CAPN15: variants seen among roughly 807,000 people sequenced by gnomAD.
The protein encoded by CAPN15 is calpain 15.
Under a neutral mutation model 97.9 loss-of-function variants are expected in CAPN15, and 53 were observed. That is an observed-to-expected ratio of 0.54 (90% CI 0.43 to 0.68). The LOEUF (loss-of-function observed/expected upper bound fraction) is 0.68, where lower values mean the gene tolerates loss of function less well. Ranked by LOEUF, CAPN15 falls within the 30% of genes least tolerant of loss-of-function variation. The pLI is 0.00. For synonymous variants in CAPN15, 922 were observed against 722.5 expected, an observed-to-expected ratio of 1.28 and a Z score of -4.43; for missense variants, 1,592 against 1,589.8, an observed-to-expected ratio of 1.00 and a Z score of -0.02.
intron 3 of CAPN15, among the ~76,000 whole-genome samples, chr16:545,902 G>T (rs922859830): frequency 6.6e-6 from 1 of 152,262 alleles, no homozygotes; most frequent in Non-Finnish European, 1.5e-5. Context: ...TGCAGGTGCG[G>T]CCGGGAGCCC....
intron 3 of CAPN15, chr16:538,152 TG>T (rs1182158109): frequency 6.6e-6 from 1 of 152,250 alleles, no homozygotes; most frequent in Non-Finnish European, 1.5e-5. Flanking sequence ...CTCTCCGGCG[TG>T]GCCGCCAGGT....
Position 552,495 on chromosome 16 carries a change from G to A in CAPN15, c.2702G>A (p.Trp901Ter). The A allele has an allele frequency of 6.2e-7, 1 of 1,606,876 alleles. No homozygotes were observed. Among genetic ancestry groups the A allele is most frequent in the Non-Finnish European group, 8.5e-7 (1 of 1,179,326 alleles). The change falls in exon 11 of 14, where the codon TGG becomes TAG. Residue 901 changes from tryptophan (W) to a stop codon, truncating the protein, a stop_gained. Coordinates refer to ENST00000219611, the MANE Select transcript of CAPN15 (RefSeq NM_005632.3). LOFTEE classifies it high-confidence loss of function. This position sits in a 1 kb window ranked among gnomAD's most constrained non-coding sequence, Gnocchi z 6.4. ...GTGGTGTGCTGCGCCTTCAACCACT[G>A]GGGGCCGCCCCTGCCGGGCACCCCT... ...YAVVCCAFNHWGPPLPGTPAP... is the reference protein window; with the variant it reads ...YAVVCCAFNH
rs2034837565 is a variant in CAPN15, at chr16:549,489, G to T, written c.1842+18G>T. 6.4e-7 allele frequency: 1 copy of T among 1,572,620 alleles called. No individual in the cohort carries two copies. The highest frequency in any genetic ancestry group is 2.3e-5 in the East Asian group (1 of 43,656). ...TCTCACAGGTGGGGCGGCCTGCAGG[G>T]TGGGCACGGGCGGCAGGGGCAGCCT... On this transcript the variant is annotated intron_variant, in intron 6 of 13. Coordinates refer to ENST00000219611, the MANE Select transcript of CAPN15 (RefSeq NM_005632.3).
chr16:549,630 C>T lies in CAPN15; in HGVS notation c.1858C>T (p.Leu620=), dbSNP rs2034850185. 1 of 1,549,688 alleles carries T rather than the reference C, an allele frequency of 6.5e-7. No homozygotes were observed. Among genetic ancestry groups the T allele is most frequent in the Non-Finnish European group, 8.7e-7 (1 of 1,152,754 alleles). Reference sequence around the variant, plus strand: ...CCCTCTGCAGGCGCAGCGGAAGCAGCTGTGGGTGGCCCTCATCGAGAAGGC... The same window carrying T: ...CCCTCTGCAGGCGCAGCGGAAGCAGTTGTGGGTGGCCCTCATCGAGAAGGC... ...LLFSQAQRKQ[L]WVALIEKALA... The change falls in exon 7 of 14, where the codon CTG becomes TTG. Residue 620 remains leucine, a synonymous_variant. Transcript: ENST00000219611.
rs376471470 is a variant in CAPN15, at chr16:549,752, G to A, written c.1980G>A (p.Ala660=). The change falls in exon 7 of 14, where the codon GCG becomes GCA. Residue 660 remains alanine (A), a synonymous_variant. Coordinates refer to ENST00000219611, the MANE Select transcript of CAPN15 (RefSeq NM_005632.3). The part of the protein sequence containing the change: ...TLTGAPCESL[A]LQLSSTNPRE... Reference sequence around the variant, plus strand: ...CCGGCGCCCCCTGTGAGAGCCTGGCGCTGCAGCTCAGCTCCACTAACCCCC... The same window carrying A: ...CCGGCGCCCCCTGTGAGAGCCTGGCACTGCAGCTCAGCTCCACTAACCCCC... 31 of 1,589,422 alleles carry A rather than the reference G, an allele frequency of 2.0e-5. No individual in the cohort carries two copies. Among genetic ancestry groups the A allele is most frequent in the Admixed American group, 3.5e-5 (2 of 57,916 alleles).
chr16:539,901 T>C (rs760813922), intron 3 of CAPN15: 8 of 170,018 alleles, frequency 4.7e-5, no homozygotes, highest in Non-Finnish European at 9.5e-5. Flanking sequence ...GGGGGTGTCC[T>C]AGGGCCCCGA....
chr16:548,417 AC>A, intron 4 of CAPN15, 130 bp downstream of exon 4: 1 of 929,072 alleles, frequency 1.1e-6, no homozygotes, highest in Non-Finnish European at 1.5e-6. Context: ...GGAGGGCAGC[AC>A]CCTCCGCCCC....
At chr16:553,285 C>A in intron 13 of CAPN15, 54 bp from the exon 14 acceptor site, 2 of 1,333,194 alleles carry the variant, frequency 1.5e-6, no homozygotes, top group Non-Finnish European at 2.1e-6. Context: ...GGGCACAGCC[C>A]TGCCCCCATC....
At position 546,959 on chromosome 16, in the gene CAPN15, C is replaced by T. The variant is rs762337648; in HGVS notation, c.121C>T (p.Leu41Phe). 1 of 1,610,588 alleles carries T rather than the reference C, an allele frequency of 6.2e-7. No individual in the cohort carries two copies. Among genetic ancestry groups the T allele is most frequent in the Non-Finnish European group, 8.5e-7 (1 of 1,179,902 alleles). The change falls in exon 4 of 14, where the codon CTC becomes TTC. Residue 41 changes from leucine (L) to phenylalanine (F), a missense_variant. Leu to Phe is a conservative substitution (Grantham distance 22). Coordinates refer to ENST00000219611, the MANE Select transcript of CAPN15 (RefSeq NM_005632.3). ...HKPDLNHILR[L>F]SVEEQKWPCA... ...GCCCGACCTCAACCACATCCTGCGG[C>T]TCAGCGTGGAGGAGCAGAAATGGCC...
chr16:527,920 G>T lies in CAPN15; in HGVS notation c.-299G>T, dbSNP rs2032962351. 6.8e-6 allele frequency: 1 copy of T among 146,138 alleles called. No individual in the cohort carries two copies. The highest frequency in any genetic ancestry group is 1.5e-5 in the Non-Finnish European group (1 of 65,660). 9.1% of individuals were successfully genotyped at this position (146,138 alleles called of 1,614,324 possible). ...GGCCGGCGGCGAGAGGGGCCCCGCC[G>T]CTCTCCGGAGGCAGAAGTTGTGGAT... On this transcript the variant is annotated 5_prime_UTR_variant, in exon 1 of 14. Coordinates refer to ENST00000219611, the MANE Select transcript of CAPN15 (RefSeq NM_005632.3).
intron 5 of CAPN15, 41 bp downstream of exon 5, chr16:549,242 G>GGGGGGGGGGA: frequency 3.3e-6 from 1 of 298,896 alleles, no homozygotes. Flanking sequence ...GGGTGGGCGG[G>GGGGGGGGGGA]CGACCGGCCG....
In CAPN15 at chr16:533,228, A is replaced by G. The variant is rs1451923006; in HGVS notation, c.-189-718A>G. ...AGAGCGAGGCTCTATCTCAAAAAATAAAATAAAAAATTTAAAACCAACAAA... is the reference window on the plus strand; with the variant it reads ...AGAGCGAGGCTCTATCTCAAAAAATGAAATAAAAAATTTAAAACCAACAAA... On this transcript the variant is annotated intron_variant, in intron 1 of 13. Transcript: ENST00000219611. 2.0e-5 allele frequency among the ~76,000 whole-genome samples: 3 copies of G among 151,740 alleles called. No homozygotes were observed. The East Asian group carries it at 5.8e-4, about 29-fold the overall frequency.
chr16:553,489 C>G lies in CAPN15; in HGVS notation c.3234C>G (p.Ala1078=), dbSNP rs760130170. 1 of 1,610,270 alleles carries G rather than the reference C, an allele frequency of 6.2e-7. No individual in the cohort carries two copies. The highest frequency in any genetic ancestry group is 1.7e-5 in the Admixed American group (1 of 59,866). Residue 1078 remains alanine (A), a synonymous_variant, in exon 14 of 14, where the codon GCC becomes GCG. Transcript: ENST00000219611. The stretch of plus-strand genomic sequence containing the variant: ...GCCCCCCACTCACGCCAGAGGTCGC[C>G]GGTCTGCATGGGCCCCGACCGCTGT... ...THSPPLTPEV[A]GLHGPRPL is the part of the protein sequence containing the mutation.
intron 1 of CAPN15, among the ~76,000 whole-genome samples, chr16:528,947 G>T (rs113867353): frequency 1.1e-4 from 17 of 152,346 alleles, no homozygotes; most frequent in South Asian, 6.2e-4. Flanking sequence ...CAGAGTCTGG[G>T]GCTGGGCAAG....
chr16:539,407 C>G (rs1406142835), intron 3 of CAPN15: 1 of 152,332 alleles, frequency 6.6e-6, no homozygotes, highest in Non-Finnish European at 1.5e-5. Context: ...GATTAACGTT[C>G]TCAACTGTAT....
chr16:536,578 A>G (rs1381664959), intron 3 of CAPN15, among the ~76,000 whole-genome samples: 3 of 151,858 alleles, frequency 2.0e-5, no homozygotes, highest in Non-Finnish European at 4.4e-5. Context: ...GCCCGCCACC[A>G]CGCCCAGCTA....
At chr16:544,652 C>G (rs943897353) in intron 3 of CAPN15, among the ~76,000 whole-genome samples, 1 of 151,744 alleles carries the variant, frequency 6.6e-6, no homozygotes, top group Non-Finnish European at 1.5e-5. Context: ...CCTCGATCTT[C>G]CATCCAGCTT....
intron 1 of CAPN15, chr16:528,890 G>C (rs2033042821): frequency 4.3e-6 from 2 of 465,300 alleles, no homozygotes; most frequent in South Asian, 1.8e-4. Flanking sequence ...GCGGAAACGT[G>C]AGTCACAGTT....
At position 547,589 on chromosome 16, in the gene CAPN15, G is replaced by T; in HGVS notation, c.751G>T (p.Val251Phe). ...CCCCGTGCCGCGCAGCCGACGCGAGGTTCCCCCCCAGCTGCAGCCACCGGT... is the reference window on the plus strand; with the variant it reads ...CCCCGTGCCGCGCAGCCGACGCGAGTTTCCCCCCCAGCTGCAGCCACCGGT... ...NNPVPRSRREVPPQLQPPVPE... is the reference protein window; with the variant it reads ...NNPVPRSRREFPPQLQPPVPE... Residue 251 changes from valine to phenylalanine, a missense_variant, in exon 4 of 14, where the codon GTT becomes TTT. Val to Phe is a conservative substitution (Grantham distance 50). This residue lies in a region of CAPN15 where 883 missense variants were observed against 776.6 expected (regional missense o/e 1.14). Coordinates refer to ENST00000219611, the MANE Select transcript of CAPN15 (RefSeq NM_005632.3). The T allele has an allele frequency of 2.5e-6, 4 of 1,578,020 alleles. No homozygotes were observed. Among genetic ancestry groups the T allele is most frequent in the Non-Finnish European group, 3.4e-6 (4 of 1,164,228 alleles).
Sources: allele counts gnomAD v4.1 joint callset (sites outside exome capture counted in the v4.1 genomes callset), GRCh38; gene constraint gnomAD v4.1.1; regional missense constraint gnomAD v4.1.1; non-coding constraint Gnocchi (gnomAD v3.1); transcripts MANE v1.5; gene names NCBI Gene and HGNC (gene_info 2026-07-23, HGNC 2026-07-21).